FNDC3B: variants seen among roughly 807,000 people sequenced by gnomAD.
FNDC3B encodes the protein fibronectin type III domain-containing protein 3B.
FNDC3B carries 12 observed loss-of-function variants against 151.5 expected under a neutral mutation model. The observed-to-expected ratio is 0.08, with a 90% CI of 0.05 to 0.13. The LOEUF (loss-of-function observed/expected upper bound fraction) is 0.13. Ranked by LOEUF, FNDC3B falls within the 10% of genes least tolerant of loss-of-function variation. The probability of loss-of-function intolerance (pLI) is 1.00; values close to 1 mark genes in which losing one functional copy is unlikely to be tolerated. For synonymous variants in FNDC3B, 528 were observed against 549.0 expected (o/e 0.96, Z 0.54); for missense variants, 1,214 against 1,505.3 (o/e 0.81, Z 3.20).
rs181503889 is a variant in FNDC3B, at chr3:172,285,906, T to G, written c.791-20T>G. The stretch of plus-strand genomic sequence containing the variant: ...CCTTCTAATGGTATTGTTTTTCCTT[T>G]TTTCTTTTTCGCAATGCAGAATATG... On this transcript the variant is annotated intron_variant, in intron 6 of 25. Coordinates refer to ENST00000415807, the MANE Select transcript of FNDC3B (RefSeq NM_022763.4). 38 of 1,608,268 alleles carry G rather than the reference T, an allele frequency of 2.4e-5. No homozygotes were observed. The highest frequency in any genetic ancestry group is 3.1e-5 in the Non-Finnish European group (37 of 1,176,062).
chr3:172,228,154 T>C (rs1347928382), intron 4 of FNDC3B, among the ~76,000 whole-genome samples: 3 of 152,182 alleles, frequency 2.0e-5, no homozygotes, highest in Non-Finnish European at 4.4e-5. Flanking sequence ...CTGTTGCAAA[T>C]AAATGACTTA....
intron 3 of FNDC3B, among the ~76,000 whole-genome samples, chr3:172,145,324 TAAATC>T (rs1347647878): frequency 6.6e-6 from 1 of 152,192 alleles, no homozygotes; most frequent in Admixed American, 6.5e-5. Flanking sequence ...AGTGGAAACT[TAAATC>T]AAAATATAAG....
chr3:172,151,941 G>C (rs543897760), intron 3 of FNDC3B, among the ~76,000 whole-genome samples: 1 of 152,266 alleles, frequency 6.6e-6, no homozygotes, highest in South Asian at 2.1e-4. Flanking sequence ...TAAGTTAAAA[G>C]GTAGCAGAAT....
intron 25 of FNDC3B, among the ~76,000 whole-genome samples, chr3:172,391,353 G>C (rs1735997537): frequency 6.6e-6 from 1 of 152,124 alleles, no homozygotes; most frequent in Non-Finnish European, 1.5e-5. Flanking sequence ...CCTGGATCTA[G>C]CTCCATGTTA....
chr3:172,254,537 C>T (rs762484742), intron 6 of FNDC3B, among the ~76,000 whole-genome samples: 1 of 152,160 alleles, frequency 6.6e-6, no homozygotes, highest in Non-Finnish European at 1.5e-5. Context: ...ATAGTAGGTA[C>T]TCAGTATATA....
At chr3:172,385,477 G>A (rs1017377087) in intron 25 of FNDC3B, among the ~76,000 whole-genome samples, 2 of 152,020 alleles carry the variant, frequency 1.3e-5, no homozygotes, top group African/African-American at 4.8e-5. Context: ...ATTTATACCT[G>A]CAGTGGTGAC....
intron 6 of FNDC3B, among the ~76,000 whole-genome samples, chr3:172,277,141 T>A (rs984609492): frequency 6.6e-6 from 1 of 152,078 alleles, no homozygotes; most frequent in Non-Finnish European, 1.5e-5. Flanking sequence ...AAAACGTGTG[T>A]GTGTGTATAT....
At chr3:172,297,599 T>A (rs1477857553) in intron 8 of FNDC3B, among the ~76,000 whole-genome samples, 1 of 152,082 alleles carries the variant, frequency 6.6e-6, no homozygotes, top group East Asian at 1.9e-4. Flanking sequence ...CTCAGCCTCC[T>A]GAGTAGGTAG....
chr3:172,053,626 G>T (rs1716775286), intron 1 of FNDC3B, among the ~76,000 whole-genome samples: 1 of 152,066 alleles, frequency 6.6e-6, no homozygotes, highest in South Asian at 2.1e-4. Flanking sequence ...ACAAAAATTA[G>T]CCAGGCGTGG....
intron 3 of FNDC3B, among the ~76,000 whole-genome samples, chr3:172,150,876 AT>A (rs1722183733): frequency 1.3e-5 from 2 of 152,128 alleles, no homozygotes; most frequent in African/African-American, 4.8e-5. Flanking sequence ...GTTTCAAATA[AT>A]CCATAAAATA....
In FNDC3B at chr3:172,296,766, C is replaced by G. The variant is rs144239866; in HGVS notation, c.1001+1252C>G. Among the ~76,000 whole-genome samples the G allele has an allele frequency of 3.0e-4, 45 of 152,342 alleles. No individual in the cohort carries two copies. The East Asian group carries it at 8.5e-3, about 29-fold the overall frequency. On this transcript the variant is annotated intron_variant, in intron 8 of 25. Coordinates refer to ENST00000415807, the MANE Select transcript of FNDC3B (RefSeq NM_022763.4). ...GACCCTTGAACAACACAGGTCTGAA[C>G]TGCACGGACCCACTTATGCACGGAT...
At chr3:172,121,817 A>G (rs1231357443) in intron 2 of FNDC3B, among the ~76,000 whole-genome samples, 2 of 152,146 alleles carry the variant, frequency 1.3e-5, no homozygotes, top group Non-Finnish European at 2.9e-5. Flanking sequence ...TCCTCCTGCC[A>G]TGGCTTCCAA....
At chr3:172,316,377 T>C (rs2108263239) in intron 11 of FNDC3B, 1 of 452,868 alleles carries the variant, frequency 2.2e-6, no homozygotes, top group East Asian at 7.0e-5. Flanking sequence ...GGGAGAAGGA[T>C]TGAGGATATA....
intron 1 of FNDC3B, among the ~76,000 whole-genome samples, chr3:172,075,476 C>T (rs1366878512): frequency 6.6e-6 from 1 of 152,124 alleles, no homozygotes; most frequent in African/African-American, 2.4e-5. Context: ...GAAATATCCC[C>T]TACACGTCAA....
chr3:172,217,066 C>G (rs984918692), intron 3 of FNDC3B, among the ~76,000 whole-genome samples: 1 of 104,474 alleles, frequency 9.6e-6, no homozygotes, highest in Non-Finnish European at 2.1e-5. Context: ...GTGCATTACT[C>G]ATTCCGCATG....
At chr3:172,285,477 A>G (rs147740197) in intron 6 of FNDC3B, among the ~76,000 whole-genome samples, 3 of 152,344 alleles carry the variant, frequency 2.0e-5, no homozygotes, top group African/African-American at 7.2e-5. Context: ...ACTTAAGTAA[A>G]CAAGTAAAAA....
At chr3:172,291,848 AAAGT>A (rs1487245780) in intron 7 of FNDC3B, among the ~76,000 whole-genome samples, 3 of 152,174 alleles carry the variant, frequency 2.0e-5, no homozygotes, top group Non-Finnish European at 4.4e-5. Context: ...TGCTGGCAAG[AAAGT>A]TTCAGCACAG....
intron 24 of FNDC3B, among the ~76,000 whole-genome samples, chr3:172,379,580 A>G (rs73167297): frequency 0.038 from 5,832 of 152,328 alleles, 160 homozygotes; most frequent in Middle Eastern, 0.054. Flanking sequence ...TTATGTGACT[A>G]AGACATGAGT....
rs547154254 is a variant in FNDC3B at position 172,146,809 on chromosome 3, A to G, written c.187+13263A>G. On this transcript the variant is annotated intron_variant, in intron 3 of 25. Coordinates refer to ENST00000415807, the MANE Select transcript of FNDC3B (RefSeq NM_022763.4). ...TTAAAATTGCTTTTTAGCTTTGGTTATAAGCTTCTAAGTAATAAACAAGAA... is the reference window on the plus strand; with the variant it reads ...TTAAAATTGCTTTTTAGCTTTGGTTGTAAGCTTCTAAGTAATAAACAAGAA... 9.8e-5 allele frequency among the ~76,000 whole-genome samples: 15 copies of G among 152,348 alleles called. 1 individual carries two copies. Among genetic ancestry groups the G allele is most frequent in the Admixed American group, 9.8e-4 (15 of 15,304 alleles).
Sources: allele counts gnomAD v4.1 joint callset (sites outside exome capture counted in the v4.1 genomes callset), GRCh38; gene constraint gnomAD v4.1.1; transcripts MANE v1.5; gene names NCBI Gene and HGNC (gene_info 2026-07-23, HGNC 2026-07-21).